DOK5: variants seen among roughly 807,000 people sequenced by gnomAD.
The protein encoded by DOK5 is downstream of tyrosine kinase 5.
In DOK5, 27 loss-of-function variants were observed where a neutral mutation model predicts 43.3. The ratio of observed to expected loss-of-function variants is 0.62; its 90% CI spans 0.46 to 0.86. The LOEUF is 0.86. DOK5 is among the 40% of genes least tolerant of loss of function. DOK5 has a pLI of 0.00. For synonymous variants in DOK5, 146 were observed against 140.1 expected, an observed-to-expected ratio of 1.04 and a Z score of -0.30; for missense variants, 373 against 392.9, an observed-to-expected ratio of 0.95 and a Z score of 0.43.
chr20:54,533,558 A>C (rs1173479576), intron 1 of DOK5, among the ~76,000 whole-genome samples: 1 of 152,250 alleles, frequency 6.6e-6, no homozygotes, highest in African/African-American at 2.4e-5. Flanking sequence ...AGCTAACCTT[A>C]TTAAGCACTA....
chr20:54,532,372 A>T (rs1983805919), intron 1 of DOK5, among the ~76,000 whole-genome samples: 1 of 152,210 alleles, frequency 6.6e-6, no homozygotes, highest in African/African-American at 2.4e-5. Flanking sequence ...TTCTGTGTTT[A>T]TAGAGAAGAA....
At chr20:54,547,097 CTA>C (rs973331086) in intron 1 of DOK5, among the ~76,000 whole-genome samples, 2 of 152,160 alleles carry the variant, frequency 1.3e-5, no homozygotes, top group African/African-American at 4.8e-5. Context: ...GGTTGGCAAA[CTA>C]TGGTCCACAG....
intron 6 of DOK5, among the ~76,000 whole-genome samples, chr20:54,616,254 C>T (rs1221323985): frequency 6.6e-6 from 1 of 152,186 alleles, no homozygotes; most frequent in African/African-American, 2.4e-5. Flanking sequence ...AACAGGTGTG[C>T]TGACATAACC....
intron 2 of DOK5, among the ~76,000 whole-genome samples, chr20:54,579,512 T>G (rs936670721): frequency 1.3e-5 from 2 of 152,072 alleles, no homozygotes; most frequent in African/African-American, 4.8e-5. Flanking sequence ...CTTTTTTAAA[T>G]CACGTGTGAC....
chr20:54,638,217 G>A (rs1978933103), intron 6 of DOK5, among the ~76,000 whole-genome samples: 2 of 151,956 alleles, frequency 1.3e-5, no homozygotes, highest in Admixed American at 6.6e-5. Context: ...ACAGTGAAAT[G>A]ATGAGATATC....
At position 54,651,033 on chromosome 20, in the gene DOK5, AC is replaced by A. The variant is rs1163939212; in HGVS notation, c.*557del. The A allele has an allele frequency of 6.6e-6, 1 of 151,740 alleles. No individual in the cohort carries two copies. Among genetic ancestry groups the A allele is most frequent in the Non-Finnish European group, 1.5e-5 (1 of 68,002 alleles). The allele number at this position is 151,740 out of a possible 1,614,324, so 9.4% of individuals were successfully genotyped here. On this transcript the variant is annotated 3_prime_UTR_variant, in exon 8 of 8. Transcript: ENST00000262593. ...CTGTTCAAAACTATTTGTTCAAAGA[AC>A]CCGTTAGTGTTGTTTACAGGGTTAC...
intron 6 of DOK5, among the ~76,000 whole-genome samples, chr20:54,624,272 C>T (rs1328172781): frequency 1.3e-5 from 2 of 152,194 alleles, no homozygotes; most frequent in East Asian, 3.8e-4. Context: ...ACAAAAGCAC[C>T]TGCTTCCACT....
At chr20:54,643,131 G>A (rs909652088) in intron 6 of DOK5, among the ~76,000 whole-genome samples, 3 of 152,116 alleles carry the variant, frequency 2.0e-5, no homozygotes, top group African/African-American at 4.8e-5. Flanking sequence ...AAATTATTTC[G>A]GAGTGGTCTG....
At chr20:54,521,906 C>T (rs189738952) in intron 1 of DOK5, among the ~76,000 whole-genome samples, 1 of 152,224 alleles carries the variant, frequency 6.6e-6, no homozygotes, top group African/African-American at 2.4e-5. Context: ...CAGGACATTC[C>T]AGGGGTTTGG....
chr20:54,610,322 G>A, intron 5 of DOK5, 66 bp from the exon 6 acceptor site: 1 of 1,413,606 alleles, frequency 7.1e-7, no homozygotes, highest in Middle Eastern at 2.0e-4. Context: ...GAGTATGCCA[G>A]GATCTTGGTG....
intron 6 of DOK5, among the ~76,000 whole-genome samples, chr20:54,636,802 T>C (rs1385853402): frequency 6.6e-6 from 1 of 152,218 alleles, no homozygotes; most frequent in Non-Finnish European, 1.5e-5. Flanking sequence ...TGGGCAGGAA[T>C]AACTCATTAG....
chr20:54,483,600 G>A (rs561839792), intron 1 of DOK5, among the ~76,000 whole-genome samples: 2 of 152,272 alleles, frequency 1.3e-5, no homozygotes, highest in Admixed American at 1.3e-4. Flanking sequence ...ATGAGGAAGG[G>A]CAAATTTGAT....
chr20:54,560,775 C>T (rs1477500033), intron 2 of DOK5, among the ~76,000 whole-genome samples: 3 of 152,192 alleles, frequency 2.0e-5, no homozygotes, highest in Non-Finnish European at 4.4e-5. Context: ...CATCCACCAC[C>T]ATGCCCAGCT....
intron 1 of DOK5, among the ~76,000 whole-genome samples, chr20:54,517,708 AC>A (rs776315632): frequency 7.2e-5 from 11 of 152,036 alleles, no homozygotes; most frequent in Non-Finnish European, 1.0e-4. Flanking sequence ...GGAAATCCTA[AC>A]CCCCAAGGAT....
At chr20:54,576,791 T>TA (rs1985466750) in intron 2 of DOK5, among the ~76,000 whole-genome samples, 1 of 152,240 alleles carries the variant, frequency 6.6e-6, no homozygotes, top group Non-Finnish European at 1.5e-5. Flanking sequence ...TTTCACATCT[T>TA]AAAGTCCAAG....
intron 1 of DOK5, among the ~76,000 whole-genome samples, chr20:54,512,281 A>G (rs1983039412): frequency 6.6e-6 from 1 of 152,248 alleles, no homozygotes; most frequent in Non-Finnish European, 1.5e-5. Flanking sequence ...TTCTCAAGGG[A>G]AAAGAGCCAT....
At chr20:54,619,932 G>C (rs902457730) in intron 6 of DOK5, among the ~76,000 whole-genome samples, 3 of 152,130 alleles carry the variant, frequency 2.0e-5, no homozygotes, top group Non-Finnish European at 4.4e-5. Flanking sequence ...AGTTTTATGT[G>C]TGTAAACGCT....
intron 6 of DOK5, among the ~76,000 whole-genome samples, chr20:54,639,951 C>G (rs1394681927): frequency 6.6e-6 from 1 of 152,156 alleles, no homozygotes; most frequent in African/African-American, 2.4e-5. Flanking sequence ...GGTTCCAGTT[C>G]AGGGTCACGG....
At chr20:54,626,033 A>G (rs1161475757) in intron 6 of DOK5, among the ~76,000 whole-genome samples, 1 of 152,214 alleles carries the variant, frequency 6.6e-6, no homozygotes, top group Non-Finnish European at 1.5e-5. Context: ...ACCGTTGTGG[A>G]GGCAGACAAT....
Sources: allele counts gnomAD v4.1 joint callset (sites outside exome capture counted in the v4.1 genomes callset), GRCh38; gene constraint gnomAD v4.1.1; transcripts MANE v1.5; gene names NCBI Gene and HGNC (gene_info 2026-07-23, HGNC 2026-07-21).